MID1: variants seen among roughly 807,000 people sequenced by gnomAD.
The protein encoded by MID1 is midline 1, also known as E3 ubiquitin-protein ligase Midline-1.
MID1 carries 7 observed loss-of-function variants against 40.4 expected under a neutral mutation model. That is an observed-to-expected ratio of 0.17 (90% CI 0.10 to 0.33). The LOEUF (loss-of-function observed/expected upper bound fraction) is 0.33. Ranked by LOEUF, MID1 falls within the 10% of genes least tolerant of loss-of-function variation. The pLI is 1.00. For missense variants in MID1, 367 were observed against 558.5 expected (o/e 0.66, Z 3.46); for synonymous variants, 229 against 221.2 (o/e 1.04, Z -0.31).
intron 7 of MID1, among the ~76,000 whole-genome samples, chrX:10,461,420 T>C (rs1361057359): frequency 9.0e-6 from 1 of 111,201 alleles, no homozygotes; most frequent in African/African-American, 3.3e-5. Flanking sequence ...CCAATTCTCA[T>C]TTGCATATGA....
chrX:10,545,257 C>G (rs746475578), intron 2 of MID1, among the ~76,000 whole-genome samples: 1 of 112,184 alleles, frequency 8.9e-6, no homozygotes, highest in Admixed American at 9.4e-5. Context: ...CCACCACACC[C>G]GGCTTCAAAG....
chrX:10,745,128 T>A lies in MID1; in HGVS notation c.-187+88426A>T, dbSNP rs755200751. On this transcript the variant is annotated intron_variant, in intron 1 of 10. Coordinates refer to the MID1 transcript ENST00000380785. ...AGGTCATTTGAATACCTGACTCCAG[T>A]TCCTGAGTTCTCCAGGACCATCCTG... 8.9e-5 allele frequency among the ~76,000 whole-genome samples: 10 copies of A among 112,667 alleles called. No homozygotes were observed. The South Asian group carries it at 1.5e-3, about 17-fold the overall frequency.
At chrX:10,595,947 G>A (rs1192732343) in intron 1 of MID1, among the ~76,000 whole-genome samples, 1 of 111,244 alleles carries the variant, frequency 9.0e-6, no homozygotes, top group African/African-American at 3.3e-5. Context: ...ACAATTATTA[G>A]GTGTCAATTA....
At chrX:10,451,572 C>T (rs1415861161) in intron 9 of MID1, among the ~76,000 whole-genome samples, 1 of 111,795 alleles carries the variant, frequency 8.9e-6, no homozygotes, top group Non-Finnish European at 1.9e-5. Flanking sequence ...TATGGTTTGG[C>T]TGTGTCCCCA....
At chrX:10,522,892 A>C (rs1932764014) in intron 3 of MID1, among the ~76,000 whole-genome samples, 200 bp downstream of exon 3, 1 of 112,444 alleles carries the variant, frequency 8.9e-6, no homozygotes, top group Non-Finnish European at 1.9e-5. Context: ...TATAATGGGA[A>C]TGGGAAGCAG....
chrX:10,728,182 T>A (rs1459391798), intron 1 of MID1, among the ~76,000 whole-genome samples: 1 of 110,427 alleles, frequency 9.1e-6, no homozygotes, highest in Non-Finnish European at 1.9e-5. Context: ...TTAAAACTCA[T>A]CAACTTTTCC....
intron 8 of MID1, among the ~76,000 whole-genome samples, chrX:10,456,091 G>A (rs1423857441): frequency 8.9e-6 from 1 of 112,312 alleles, no homozygotes; most frequent in Non-Finnish European, 1.9e-5. Context: ...CTTCTGCCCA[G>A]TATACAGCTC....
chrX:10,448,975 G>A lies in MID1; in HGVS notation c.*393C>T, dbSNP rs1197391312. The A allele has an allele frequency of 6.9e-6, 1 of 145,413 alleles. No homozygotes were observed. The highest frequency in any genetic ancestry group is 1.3e-5 in the Non-Finnish European group (1 of 74,150). 12.0% of individuals were successfully genotyped at this position (145,413 alleles called of 1,213,427 possible). On this transcript the variant is annotated 3_prime_UTR_variant, in exon 10 of 10. Coordinates refer to ENST00000317552, the MANE Select transcript of MID1 (RefSeq NM_000381.4). ...ATCATGGGATATCAGGTAAGAAGATGAGTAACATACAAAACTACAAAAGTT... is the reference window on the plus strand; with the variant it reads ...ATCATGGGATATCAGGTAAGAAGATAAGTAACATACAAAACTACAAAAGTT...
intron 1 of MID1, among the ~76,000 whole-genome samples, chrX:10,736,878 C>G (rs2043491486): frequency 8.9e-6 from 1 of 111,974 alleles, no homozygotes; most frequent in Admixed American, 9.5e-5. Flanking sequence ...TGATAATGTC[C>G]TAAACCTTCT....
At chrX:10,510,247 A>AG (rs1932047803) in intron 3 of MID1, among the ~76,000 whole-genome samples, 1 of 111,494 alleles carries the variant, frequency 9.0e-6, no homozygotes, top group Non-Finnish European at 1.9e-5. Flanking sequence ...ATAGATCTTA[A>AG]GGGACAGTTT....
chrX:10,566,214 GA>G (rs1466976097), intron 2 of MID1, among the ~76,000 whole-genome samples: 1 of 111,304 alleles, frequency 9.0e-6, no homozygotes, highest in East Asian at 2.8e-4. Context: ...AAATAGTCTT[GA>G]CTGTAACCTT....
chrX:10,500,594 TAAAC>T (rs1400689485), intron 3 of MID1, among the ~76,000 whole-genome samples: 2 of 112,621 alleles, frequency 1.8e-5, no homozygotes, highest in East Asian at 2.8e-4. Flanking sequence ...ATGTGTCACT[TAAAC>T]AAAGAATTAA....
chrX:10,518,366 C>G (rs1257229670), intron 3 of MID1, among the ~76,000 whole-genome samples: 1 of 111,415 alleles, frequency 9.0e-6, no homozygotes, highest in African/African-American at 3.3e-5. Flanking sequence ...TTAGAGAAAC[C>G]CAGTAATATG....
chrX:10,644,482 TG>T (rs1187841165), intron 1 of MID1, among the ~76,000 whole-genome samples: 1 of 110,491 alleles, frequency 9.1e-6, no homozygotes, highest in African/African-American at 3.3e-5. Context: ...ATTATTCATA[TG>T]TTTGAGTATC....
chrX:10,726,584 C>G (rs1030704706), intron 1 of MID1, among the ~76,000 whole-genome samples: 1 of 111,433 alleles, frequency 9.0e-6, no homozygotes, highest in African/African-American at 3.3e-5. Flanking sequence ...TACTGTCTGG[C>G]AGAATTTATG....
At chrX:10,549,908 G>C (rs902963963) in intron 2 of MID1, among the ~76,000 whole-genome samples, 2 of 112,476 alleles carry the variant, frequency 1.8e-5, no homozygotes, top group African/African-American at 6.5e-5. Context: ...CAAATGCTTG[G>C]AAATTATGAC....
intron 1 of MID1, among the ~76,000 whole-genome samples, chrX:10,764,002 T>C (rs1238472339): frequency 8.9e-6 from 1 of 112,000 alleles, no homozygotes. Context: ...CACCCACTTG[T>C]TGATGGGGTT....
intron 1 of MID1, among the ~76,000 whole-genome samples, chrX:10,673,389 G>GC (rs755927614): frequency 8.9e-6 from 1 of 112,071 alleles, no homozygotes; most frequent in East Asian, 2.8e-4. Context: ...GGAAACCAGG[G>GC]CAGGCATGGC....
chrX:10,758,977 G>A (rs1485135799), intron 1 of MID1, among the ~76,000 whole-genome samples: 1 of 111,853 alleles, frequency 8.9e-6, no homozygotes, highest in Non-Finnish European at 1.9e-5. Flanking sequence ...TCACCGGCAG[G>A]CAAATGATTA....
Sources: allele counts gnomAD v4.1 joint callset (sites outside exome capture counted in the v4.1 genomes callset), GRCh38; gene constraint gnomAD v4.1.1; transcripts MANE v1.5; gene names NCBI Gene and HGNC (gene_info 2026-07-23, HGNC 2026-07-21).